FAM24B: variants seen among roughly 807,000 people sequenced by gnomAD.
The protein encoded by FAM24B is family with sequence similarity 24 member B.
A neutral mutation model predicts 2.3 loss-of-function variants in FAM24B; 3 were observed. The ratio of observed to expected loss-of-function variants is 1.29; its 90% confidence interval spans 0.59 to 3.32. The LOEUF is 3.32. Ranked by LOEUF, FAM24B falls within the 30% of genes most tolerant of loss-of-function variation. FAM24B has a pLI of 0.03. For missense variants in FAM24B, 98 were observed against 117.2 expected (o/e 0.84, Z 0.76); for synonymous variants, 36 against 46.3 (o/e 0.78, Z 0.90).
chr10:122,852,840 T>C (rs1847566546), intron 2 of FAM24B, among the ~76,000 whole-genome samples: 1 of 152,164 alleles, frequency 6.6e-6, no homozygotes, highest in African/African-American at 2.4e-5. Flanking sequence ...GGCCATAGCT[T>C]TTTCTATGGT....
intron 3 of FAM24B, 40 bp from the exon 4 acceptor site, chr10:122,849,479 T>G: frequency 1.3e-6 from 2 of 1,546,424 alleles, no homozygotes; most frequent in Non-Finnish European, 1.8e-6. Flanking sequence ...CTTAGAATTT[T>G]TCTTCTCAGC....
intron 1 of FAM24B, among the ~76,000 whole-genome samples, chr10:122,866,774 T>C (rs1847810455): frequency 6.6e-6 from 1 of 152,118 alleles, no homozygotes; most frequent in African/African-American, 2.4e-5. Context: ...TCTCTCCCTA[T>C]TCTCAGGCCT....
At position 122,874,933 on chromosome 10, in the gene FAM24B, T is replaced by G. The variant is rs557317170; in HGVS notation, c.-178+4552A>C. On this transcript the variant is annotated intron_variant, in intron 1 of 3. Transcript: ENST00000368898. Reference sequence around the variant, plus strand: ...CAGGGGCACCCCTGGTACAGACCTTTTAGTATTTATCTTGCTTGGTGTTCT... The same window carrying G: ...CAGGGGCACCCCTGGTACAGACCTTGTAGTATTTATCTTGCTTGGTGTTCT... Among the ~76,000 whole-genome samples the G allele has an allele frequency of 5.9e-5, 9 of 152,314 alleles. No individual in the cohort carries two copies. The South Asian group carries it at 1.7e-3, about 28-fold the overall frequency.
At chr10:122,871,647 T>C (rs1204064436) in intron 1 of FAM24B, among the ~76,000 whole-genome samples, 1 of 152,144 alleles carries the variant, frequency 6.6e-6, no homozygotes, top group East Asian at 1.9e-4. Flanking sequence ...TCTACAACTA[T>C]CTGATCTTTG....
intron 1 of FAM24B, among the ~76,000 whole-genome samples, chr10:122,866,393 C>T (rs867101916): frequency 5.9e-5 from 9 of 151,616 alleles, no homozygotes; most frequent in African/African-American, 7.3e-5. Context: ...ATTTTTATTA[C>T]GTCTTCTCTT....
chr10:122,869,693 A>C (rs1326915138), intron 1 of FAM24B, among the ~76,000 whole-genome samples: 3 of 152,228 alleles, frequency 2.0e-5, no homozygotes. Flanking sequence ...TACTGGGTAC[A>C]TAACGAAATG....
At chr10:122,868,559 A>G (rs546555553) in intron 1 of FAM24B, among the ~76,000 whole-genome samples, 51 of 152,282 alleles carry the variant, frequency 3.3e-4, no homozygotes, top group African/African-American at 1.2e-3. Context: ...CACAAAGGGA[A>G]GCCCATCAGA....
Position 122,849,348 on chromosome 10 carries a change from T to G in FAM24B, c.184A>C (p.Thr62Pro), listed in dbSNP as rs1398410994. 2 of 1,613,654 alleles carry G rather than the reference T, an allele frequency of 1.2e-6. No homozygotes were observed. Among genetic ancestry groups the G allele is most frequent in the Non-Finnish European group, 8.5e-7 (1 of 1,179,782 alleles). The change falls in exon 4 of 4, where the codon ACG (threonine) becomes CCG (proline). Residue 62 changes from threonine (T) to proline (P), a missense_variant. Coordinates refer to ENST00000368898, the MANE Select transcript of FAM24B (RefSeq NM_152644.3). ...AKNSQAKTIA[T>P]ESCPALQCCE... is the part of the protein sequence containing the mutation. ...CACTGCAGGGCAGGACAAGACTCCG[T>G]GGCAATGGTTTTGGCCTGGCTGTTC...
chr10:122,868,792 A>G (rs2133837693), intron 1 of FAM24B, among the ~76,000 whole-genome samples: 1 of 152,364 alleles, frequency 6.6e-6, no homozygotes, highest in South Asian at 2.1e-4. Flanking sequence ...AGCACTAAAC[A>G]TGGAAAGGAA....
At chr10:122,878,003 G>A (rs1848004241) in intron 1 of FAM24B, among the ~76,000 whole-genome samples, 1 of 152,152 alleles carries the variant, frequency 6.6e-6, no homozygotes, top group Non-Finnish European at 1.5e-5. Flanking sequence ...AGAATTATTT[G>A]GTAAAGCTCC....
At chr10:122,856,792 G>A (rs1243689617) in intron 1 of FAM24B, among the ~76,000 whole-genome samples, 6 of 152,114 alleles carry the variant, frequency 3.9e-5, no homozygotes, top group Admixed American at 3.3e-4. Context: ...TGTAGACAGT[G>A]ATTACAGATT....
intron 2 of FAM24B, among the ~76,000 whole-genome samples, chr10:122,851,376 T>C (rs951816224): frequency 6.6e-6 from 1 of 152,230 alleles, no homozygotes; most frequent in Non-Finnish European, 1.5e-5. Flanking sequence ...CATCCAAAGT[T>C]GAAGAGCTTG....
At chr10:122,876,392 A>G (rs1847977577) in intron 1 of FAM24B, among the ~76,000 whole-genome samples, 1 of 152,242 alleles carries the variant, frequency 6.6e-6, no homozygotes, top group African/African-American at 2.4e-5. Context: ...TGTTAGGGAA[A>G]TGCTGAGGGC....
intron 1 of FAM24B, among the ~76,000 whole-genome samples, chr10:122,872,501 G>T (rs1037418252): frequency 6.6e-6 from 1 of 152,098 alleles, no homozygotes; most frequent in Non-Finnish European, 1.5e-5. Flanking sequence ...ATTTATTGTG[G>T]CATTATTCAC....
intron 1 of FAM24B, among the ~76,000 whole-genome samples, chr10:122,866,841 G>A (rs149413058): frequency 1.4e-3 from 217 of 152,090 alleles, no homozygotes; most frequent in African/African-American, 4.6e-3. Flanking sequence ...CCCCTACAAT[G>A]GTCTCTAAGT....
At chr10:122,855,925 A>G (rs1847630452) in intron 1 of FAM24B, 139 bp from the exon 2 acceptor site, 1 of 152,260 alleles carries the variant, frequency 6.6e-6, no homozygotes. Context: ...AACACCCGAT[A>G]GTAAACTCAA....
Position 122,849,109 on chromosome 10 carries a change from T to A in FAM24B, c.*138A>T. The A allele has an allele frequency of 3.7e-6, 2 of 546,162 alleles. No homozygotes were observed. Among genetic ancestry groups the A allele is most frequent in the Non-Finnish European group, 5.9e-6 (2 of 338,994 alleles). 33.8% of individuals were successfully genotyped at this position (546,162 alleles called of 1,614,324 possible). ...GCAAAGAGGATTATTTTTAATAGTGTACATTTATTCAAAAGTATATAAAAC... is the reference window on the plus strand; with the variant it reads ...GCAAAGAGGATTATTTTTAATAGTGAACATTTATTCAAAAGTATATAAAAC... On this transcript the variant is annotated 3_prime_UTR_variant, in exon 4 of 4. Transcript: ENST00000368898.
chr10:122,866,987 T>C (rs1289942662), intron 1 of FAM24B, among the ~76,000 whole-genome samples: 5 of 152,168 alleles, frequency 3.3e-5, no homozygotes, highest in Non-Finnish European at 5.9e-5. Flanking sequence ...GTTACCAAGT[T>C]GGAATGCAAA....
At chr10:122,862,453 A>C (rs1715519251) in intron 1 of FAM24B, among the ~76,000 whole-genome samples, 1 of 152,222 alleles carries the variant, frequency 6.6e-6, no homozygotes, top group South Asian at 2.1e-4. Context: ...AAGTAAATAC[A>C]TGAAGTTATT....
Sources: allele counts gnomAD v4.1 joint callset (sites outside exome capture counted in the v4.1 genomes callset), GRCh38; gene constraint gnomAD v4.1.1; transcripts MANE v1.5; gene names NCBI Gene and HGNC (gene_info 2026-07-23, HGNC 2026-07-21).